ERCC6L2: variants seen among roughly 807,000 people sequenced by gnomAD.
ERCC6L2 encodes ERCC excision repair 6 like 2.
ERCC6L2 carries 77 observed loss-of-function variants against 132.0 expected under a neutral mutation model. The observed-to-expected ratio is 0.58, with a 90% CI of 0.49 to 0.71. The LOEUF is 0.71. Ranked by LOEUF, ERCC6L2 falls within the 30% of genes least tolerant of loss-of-function variation. The probability of loss-of-function intolerance (pLI) is 0.00; values close to 1 mark genes in which losing one functional copy is unlikely to be tolerated. For synonymous variants in ERCC6L2, 583 were observed against 632.4 expected (o/e 0.92, Z 1.17); for missense variants, 1,542 against 1,837.6 (o/e 0.84, Z 2.94).
Position 95,995,981 on chromosome 9 carries a change from A to G in ERCC6L2, c.3493-8539A>G, listed in dbSNP as rs376532257. Among the ~76,000 whole-genome samples, 40 of 152,366 alleles carry G rather than the reference A, an allele frequency of 2.6e-4. 1 individual carries two copies. In the Middle Eastern group the frequency reaches 0.014, roughly 52 times the overall value. On this transcript the variant is annotated intron_variant, in intron 17 of 18. Coordinates refer to ENST00000653738, the MANE Select transcript of ERCC6L2 (RefSeq NM_020207.7). Reference sequence around the variant, plus strand: ...AATGGCCTTTAATTGTTCAACTTTAAAGGAAGAGTCTCACATCTCTCACAT... The same window carrying G: ...AATGGCCTTTAATTGTTCAACTTTAGAGGAAGAGTCTCACATCTCTCACAT...
At chr9:95,973,148 G>T in intron 16 of ERCC6L2, 60 bp downstream of exon 16, 2 of 1,094,808 alleles carry the variant, frequency 1.8e-6, no homozygotes, top group South Asian at 3.3e-5. Flanking sequence ...AAATAGTTCT[G>T]TGAGACGCTT....
At chr9:95,963,532 C>CTG (rs1564267322) in intron 13 of ERCC6L2, among the ~76,000 whole-genome samples, 1 of 151,882 alleles carries the variant, frequency 6.6e-6, no homozygotes, top group African/African-American at 2.4e-5. Flanking sequence ...CCCCACCCTC[C>CTG]ACACTCCTCT....
In ERCC6L2 at chr9:95,922,317, G is replaced by C. The variant is rs1281444544; in HGVS notation, c.1312G>C (p.Gly438Arg). Residue 438 changes from glycine (G) to arginine (R), a missense_variant, in exon 8 of 19, where the codon GGT (glycine) becomes CGT (arginine). By Grantham distance (125) the Gly-to-Arg change is moderately radical (BLOSUM62 -2). Transcript: ENST00000653738. Reference protein sequence around the residue: ...RNCCYKTNSHGETVKTLYLSY... With the variant: ...RNCCYKTNSHRETVKTLYLSY... ...TTTCTGGTTACAGACCAATTCTCAT[G>C]GTGAAACAGTGAAAACCTTGTATCT... is the stretch of plus-strand genomic sequence containing the variant. 3.1e-6 allele frequency: 5 copies of C among 1,606,746 alleles called. No homozygotes were observed. The highest frequency in any genetic ancestry group is 4.3e-6 in the Non-Finnish European group (5 of 1,174,106).
At chr9:95,958,009 T>C in intron 13 of ERCC6L2, among the ~76,000 whole-genome samples, 1 of 146,940 alleles carries the variant, frequency 6.8e-6, no homozygotes. Context: ...GTATATCTCC[T>C]AATGCTATCC....
At chr9:95,989,319 C>T (rs898916891) in intron 17 of ERCC6L2, among the ~76,000 whole-genome samples, 1 of 152,214 alleles carries the variant, frequency 6.6e-6, no homozygotes, top group African/African-American at 2.4e-5. Context: ...CTGCCTTGGT[C>T]TTTCAGGTGA....
downstream of ERCC6L2, chr9:96,021,262 C>T (rs1029066057): frequency 8.7e-6 from 3 of 345,946 alleles, no homozygotes; most frequent in Admixed American, 7.9e-5. This position sits in a 1 kb window ranked among gnomAD's most constrained non-coding sequence, Gnocchi z 4.7. Context: ...ACCCGTTCCT[C>T]CGAATCAGGC....
At chr9:95,948,791 G>GAAAAAAAAAAAAAAAAAAAAAAAAAAAGA (rs55712485) in intron 12 of ERCC6L2, among the ~76,000 whole-genome samples, 1 of 104,074 alleles carries the variant, frequency 9.6e-6, no homozygotes, top group Non-Finnish European at 1.9e-5. Flanking sequence ...CAAGACATTA[G>GAAAAAAAAAAAAAAAAAAAAAAAAAAAGA]AAAAAAAAAA....
At chr9:96,011,270 A>G (rs1834018643) in intron 18 of ERCC6L2, among the ~76,000 whole-genome samples, 1 of 152,202 alleles carries the variant, frequency 6.6e-6, no homozygotes, top group South Asian at 2.1e-4. Flanking sequence ...CATGGCAGAG[A>G]GGAAGAGACA....
chr9:95,972,411 A>C lies in ERCC6L2; in HGVS notation c.2660A>C (p.Asp887Ala). 7.8e-7 allele frequency: 1 copy of C among 1,277,710 alleles called. No homozygotes were observed. The highest frequency in any genetic ancestry group is 1.3e-5 in the South Asian group (1 of 77,652). 79.1% of individuals were successfully genotyped at this position (1,277,710 alleles called of 1,614,324 possible). Residue 887 changes from aspartate (D) to alanine (A), a missense_variant, in exon 16 of 19, where the codon GAT becomes GCT. Physicochemically the swap from Asp to Ala is moderately radical, Grantham distance 126 (BLOSUM62 -2). Around this residue, in one of 4 missense-constraint regions of ERCC6L2, gnomAD observed 945 missense variants for 1,105.2 expected, o/e 0.86. Coordinates refer to ENST00000653738, the MANE Select transcript of ERCC6L2 (RefSeq NM_020207.7). The stretch of plus-strand genomic sequence containing the variant: ...GACGAGAAAAAAATTAAAAATACAG[A>C]TAAACATTGCATTTTACAGAATGTC... ...KSDEKKIKNT[D>A]KHCILQNVTE...
intron 16 of ERCC6L2, among the ~76,000 whole-genome samples, chr9:95,976,156 T>A (rs1446613100): frequency 1.3e-5 from 2 of 152,174 alleles, no homozygotes; most frequent in East Asian, 3.9e-4. Flanking sequence ...CTCACAGAGA[T>A]CCGTATGTTA....
chr9:95,926,052 T>C (rs1587918793), intron 9 of ERCC6L2, among the ~76,000 whole-genome samples: 1 of 152,144 alleles, frequency 6.6e-6, no homozygotes, highest in Non-Finnish European at 1.5e-5. Context: ...ACTAGATACC[T>C]ATTAGAACGG....
At chr9:96,027,328 G>C (rs1332927443) in intron 19 of ERCC6L2, among the ~76,000 whole-genome samples, 1 of 152,156 alleles carries the variant, frequency 6.6e-6, no homozygotes, top group Non-Finnish European at 1.5e-5. Context: ...AGGCTGCCTG[G>C]GGAACCGGGA....
chr9:95,970,747 CCTGT>C, intron 15 of ERCC6L2, 91 bp downstream of exon 15: 1 of 925,240 alleles, frequency 1.1e-6, no homozygotes, highest in Admixed American at 4.2e-5. Context: ...AATTTTATAA[CCTGT>C]AAAAAAAAAA....
At chr9:95,979,792 A>G (rs558677173) in intron 17 of ERCC6L2, among the ~76,000 whole-genome samples, 4 of 152,342 alleles carry the variant, frequency 2.6e-5, no homozygotes, top group African/African-American at 9.6e-5. Flanking sequence ...TCTGAAAAAG[A>G]CAGGCGGAAT....
At chr9:95,923,134 G>C in intron 8 of ERCC6L2, 126 bp from the exon 9 acceptor site, 1 of 1,152,336 alleles carries the variant, frequency 8.7e-7, no homozygotes, top group East Asian at 2.7e-5. Flanking sequence ...GTCTGACTTA[G>C]GGAAGCAAAA....
chr9:95,923,186 A>T, intron 8 of ERCC6L2, 74 bp from the exon 9 acceptor site: 1 of 1,504,694 alleles, frequency 6.6e-7, no homozygotes, highest in Non-Finnish European at 8.9e-7. Flanking sequence ...AATTTTTTTC[A>T]TAAATTATTT....
At chr9:96,005,643 A>G (rs970282003) in intron 18 of ERCC6L2, among the ~76,000 whole-genome samples, 1 of 151,820 alleles carries the variant, frequency 6.6e-6, no homozygotes, top group Non-Finnish European at 1.5e-5. Flanking sequence ...TAAACCAAGC[A>G]GAGAGTAGCA....
intron 2 of ERCC6L2, among the ~76,000 whole-genome samples, chr9:95,884,656 C>T (rs1169242150): frequency 6.6e-6 from 1 of 152,046 alleles, no homozygotes. Flanking sequence ...TAATATTTTA[C>T]ACTCTACAGG....
intron 17 of ERCC6L2, among the ~76,000 whole-genome samples, chr9:95,982,952 G>T (rs546562717): frequency 6.6e-6 from 1 of 152,272 alleles, no homozygotes; most frequent in South Asian, 2.1e-4. Flanking sequence ...ACACAGTGAT[G>T]ATACCAGGAT....
Sources: gnomAD v4.1 joint callset for allele counts (sites outside exome capture counted in the v4.1 genomes callset) on GRCh38, gnomAD v4.1.1 for gene constraint, gnomAD v4.1.1 regional missense constraint, Gnocchi (gnomAD v3.1) non-coding constraint, MANE v1.5 for transcripts, NCBI Gene and HGNC (gene_info 2026-07-23, HGNC 2026-07-21) for gene names.